Variants in RYR3 observed in about 807,000 individuals in gnomAD.
RYR3 encodes the protein brain ryanodine receptor-calcium release channel.
Under a neutral mutation model 584.3 loss-of-function variants are expected in RYR3, and 207 were observed. The observed-to-expected ratio is 0.35, with a 90% CI of 0.32 to 0.40. RYR3 has a LOEUF of 0.40. Ranked by LOEUF, RYR3 falls within the 10% of genes least tolerant of loss-of-function variation. The pLI, the probability that RYR3 is intolerant of heterozygous loss-of-function variation, is 1.00. For missense variants in RYR3, 5,616 were observed against 6,089.2 expected (o/e 0.92, Z 2.59); for synonymous variants, 2,416 against 2,248.5 (o/e 1.07, Z -2.11).
At chr15:33,503,544 A>G (rs1396941010) in intron 2 of RYR3, 87 bp from the exon 3 acceptor site, 1 of 773,008 alleles carries the variant, frequency 1.3e-6, no homozygotes, top group Admixed American at 2.3e-5. Context: ...ATTTTGATTC[A>G]TAGGCTCTTT....
rs139063789 is a variant in RYR3 at position 33,664,589 on chromosome 15, GTATATATA to G, written c.5619+871_5619+878del. Among the ~76,000 whole-genome samples the G allele has an allele frequency of 7.0e-3, 642 of 91,388 alleles. 26 individuals are homozygous for G. Among genetic ancestry groups the G allele is most frequent in the African/African-American group, 0.017 (387 of 22,764 alleles). 60.0% of individuals were successfully genotyped at this position (91,388 alleles called of 152,430 possible). ...TATATAGATATATGTGTGTGTGTGTGTATATATATATATATATATATATATACGTATGT... is the reference window on the plus strand; with the variant it reads ...TATATAGATATATGTGTGTGTGTGTGTATATATATATATATATACGTATGT... On this transcript the variant is annotated intron_variant, in intron 36 of 103. Coordinates refer to ENST00000634891, the MANE Select transcript of RYR3 (RefSeq NM_001036.6).
At chr15:33,435,064 C>A (rs1320913154) in intron 1 of RYR3, among the ~76,000 whole-genome samples, 1 of 152,124 alleles carries the variant, frequency 6.6e-6, no homozygotes, top group Non-Finnish European at 1.5e-5. Flanking sequence ...TCATGATCCG[C>A]CCGCCTCGAC....
chr15:33,406,805 A>G (rs923760288), intron 1 of RYR3, among the ~76,000 whole-genome samples: 1 of 152,240 alleles, frequency 6.6e-6, no homozygotes, highest in Non-Finnish European at 1.5e-5. Context: ...TACATGCCAG[A>G]TCCTAGTCTA....
intron 1 of RYR3, among the ~76,000 whole-genome samples, chr15:33,316,094 G>A (rs1968131733): frequency 6.6e-6 from 1 of 152,028 alleles, no homozygotes; most frequent in Non-Finnish European, 1.5e-5. Flanking sequence ...CAGCTCCTTA[G>A]GGTTGATCTG....
At position 33,473,331 on chromosome 15, in the gene RYR3, G is replaced by T. The variant is rs1397440713; in HGVS notation, c.52-88G>T. 17 of 1,495,200 alleles carry T rather than the reference G, an allele frequency of 1.1e-5. 1 individual carries two copies. Among genetic ancestry groups the T allele is most frequent in the Non-Finnish European group, 1.6e-5 (17 of 1,078,214 alleles). 92.6% of individuals were successfully genotyped at this position (1,495,200 alleles called of 1,614,324 possible). ...AGCACGTGGCTGTCAGGGATTGGTG[G>T]CTTACCTGACTCAGGTACAGGAAGG... On this transcript the variant is annotated intron_variant, in intron 1 of 103. Coordinates refer to ENST00000634891, the MANE Select transcript of RYR3 (RefSeq NM_001036.6).
At chr15:33,816,469 T>C (rs577514724) in intron 74 of RYR3, among the ~76,000 whole-genome samples, 29 of 152,214 alleles carry the variant, frequency 1.9e-4, no homozygotes, top group Non-Finnish European at 2.9e-4. Context: ...ATGACTTAGA[T>C]TGGATTACCT....
chr15:33,490,207 CT>C (rs2050850108), intron 2 of RYR3, among the ~76,000 whole-genome samples: 1 of 152,158 alleles, frequency 6.6e-6, no homozygotes, highest in Non-Finnish European at 1.5e-5. Flanking sequence ...AATCACTTTT[CT>C]TCCATTTAAC....
At chr15:33,693,867 C>T (rs1185753229) in intron 38 of RYR3, among the ~76,000 whole-genome samples, 3 of 152,142 alleles carry the variant, frequency 2.0e-5, no homozygotes, top group African/African-American at 7.2e-5. Context: ...GCTTTCAGTC[C>T]AATGGCAAGT....
At chr15:33,449,655 A>G (rs2046948931) in intron 1 of RYR3, among the ~76,000 whole-genome samples, 1 of 152,228 alleles carries the variant, frequency 6.6e-6, no homozygotes, top group Non-Finnish European at 1.5e-5. Flanking sequence ...TAAAAATAAC[A>G]CAAATGCCAT....
chr15:33,721,007 A>G (rs2067865830), intron 43 of RYR3, among the ~76,000 whole-genome samples: 1 of 152,238 alleles, frequency 6.6e-6, no homozygotes, highest in African/African-American at 2.4e-5. Flanking sequence ...TCCAAAATAC[A>G]GAGCCTAATT....
chr15:33,672,187 A>C (rs2063889577), intron 38 of RYR3, among the ~76,000 whole-genome samples: 1 of 149,934 alleles, frequency 6.7e-6, no homozygotes, highest in African/African-American at 2.5e-5. Context: ...TGACCATTTC[A>C]TGTGAGGTAA....
chr15:33,805,718 C>T (rs1196005642), intron 69 of RYR3, among the ~76,000 whole-genome samples: 2 of 151,722 alleles, frequency 1.3e-5, no homozygotes, highest in Non-Finnish European at 2.9e-5. Flanking sequence ...ACGTCATGAT[C>T]CGCCCGCCTC....
chr15:33,644,845 T>C (rs1428076323), intron 28 of RYR3, among the ~76,000 whole-genome samples: 1 of 152,040 alleles, frequency 6.6e-6, no homozygotes, highest in East Asian at 1.9e-4. Context: ...TTTCTGTTTT[T>C]TTTTCTTTTT....
intron 16 of RYR3, among the ~76,000 whole-genome samples, chr15:33,597,121 T>G (rs2059416310): frequency 6.6e-6 from 1 of 152,224 alleles, no homozygotes; most frequent in East Asian, 1.9e-4. Context: ...TATTACAAAT[T>G]ACAAAAGCAA....
chr15:33,786,444 C>G (rs185931762), intron 66 of RYR3, among the ~76,000 whole-genome samples: 118 of 151,664 alleles, frequency 7.8e-4, no homozygotes, highest in Admixed American at 7.3e-3. Context: ...TTCTAAGACA[C>G]TGTCTCATGC....
In RYR3 at chr15:33,863,836, ATTAGAATTTTG is replaced by A. The variant is rs1197301420; in HGVS notation, c.14466-298_14466-288del. ...ATTTGGGCTACCATTTTATTGTTTT[ATTAGAATTTTG>A]TTAACAATAAAATGGTGGCCAAAAT... On this transcript the variant is annotated intron_variant, in intron 102 of 103. Transcript: ENST00000634891. Among the ~76,000 whole-genome samples the A allele has an allele frequency of 4.6e-5, 7 of 152,314 alleles. No homozygotes were observed. In the South Asian group the frequency reaches 1.5e-3, roughly 32 times the overall value.
intron 1 of RYR3, among the ~76,000 whole-genome samples, chr15:33,427,880 C>T (rs1341999086): frequency 1.3e-5 from 2 of 152,184 alleles, no homozygotes; most frequent in Non-Finnish European, 2.9e-5. Context: ...AAGCTCTGAT[C>T]CAAAGAGAAT....
At chr15:33,421,419 G>A (rs2044233979) in intron 1 of RYR3, among the ~76,000 whole-genome samples, 1 of 152,144 alleles carries the variant, frequency 6.6e-6, no homozygotes, top group African/African-American at 2.4e-5. Flanking sequence ...CTAGGATAAC[G>A]ACATTGAGGA....
intron 1 of RYR3, among the ~76,000 whole-genome samples, chr15:33,323,086 A>G (rs12101967): frequency 0.17 from 26,385 of 151,358 alleles, 2,794 homozygotes; most frequent in East Asian, 0.31. Flanking sequence ...CTTCCGTGCT[A>G]TAATATATGA....
Sources: gnomAD v4.1 joint callset for allele counts (sites outside exome capture counted in the v4.1 genomes callset) on GRCh38, gnomAD v4.1.1 for gene constraint, MANE v1.5 for transcripts, NCBI Gene and HGNC (gene_info 2026-07-23, HGNC 2026-07-21) for gene names.